The following NEB variants were observed in gnomAD, a reference collection of about 807,000 sequenced individuals.
NEB encodes nemaline myopathy type 2.
NEB carries 512 observed loss-of-function variants against 952.2 expected under a neutral mutation model. The observed-to-expected ratio is 0.54, with a 90% CI of 0.50 to 0.58. The LOEUF is 0.58. Among genes scored for constraint, NEB ranks in the 20% least tolerant of loss-of-function variants. The probability of loss-of-function intolerance (pLI) is 0.00; values close to 1 mark genes in which losing one functional copy is unlikely to be tolerated. For missense variants in NEB, 8,428 were observed against 9,231.1 expected, an observed-to-expected ratio of 0.91 and a Z score of 3.56; for synonymous variants, 2,900 against 3,149.8, an observed-to-expected ratio of 0.92 and a Z score of 2.66.
At chr2:151,563,171 C>T (rs1013523626) in intron 119 of NEB, among the ~76,000 whole-genome samples, 8 of 152,022 alleles carry the variant, frequency 5.3e-5, no homozygotes, top group East Asian at 1.9e-4. Flanking sequence ...TGCACCACCA[C>T]GCCCAGCTAA....
chr2:151,677,474 T>A (rs1055205657), intron 34 of NEB, 91 bp downstream of exon 34: 2 of 937,102 alleles, frequency 2.1e-6, no homozygotes, highest in East Asian at 5.6e-5. Flanking sequence ...TGGAAAGATA[T>A]TGGCCCAGAA....
chr2:151,657,390 T>C (rs917360953), intron 48 of NEB, among the ~76,000 whole-genome samples: 18 of 152,084 alleles, frequency 1.2e-4, no homozygotes, highest in African/African-American at 4.1e-4. Flanking sequence ...AAGAATTGAG[T>C]TTCATATAGG....
intron 60 of NEB, 122 bp from the exon 61 acceptor site, chr2:151,640,788 G>T: frequency 1.2e-6 from 1 of 868,806 alleles, no homozygotes. Context: ...TTATATGATA[G>T]ATGTAGAAAC....
At chr2:151,516,368 T>C in intron 157 of NEB, 91 bp downstream of exon 157, 2 of 797,984 alleles carry the variant, frequency 2.5e-6, no homozygotes, top group African/African-American at 1.7e-5. Context: ...CTACCACTTT[T>C]GGATGACAGG....
At chr2:151,675,500 A>G in intron 34 of NEB, 109 bp from the exon 35 acceptor site, 1 of 695,666 alleles carries the variant, frequency 1.4e-6, no homozygotes, top group East Asian at 2.9e-5. Flanking sequence ...GTTAAAAATC[A>G]TCAAAGGCAT....
Position 151,656,382 on chromosome 2 carries a change from T to G in NEB, c.6266A>C (p.His2089Pro). The change falls in exon 49 of 182, where the codon CAT (histidine) becomes CCT (proline). Residue 2089 changes from histidine to proline, a missense_variant. Coordinates refer to ENST00000397345, the MANE Select transcript of NEB (RefSeq NM_001164508.2). ...RSLEDDPKLVHSMQVAKMQSD... is the reference protein window; with the variant it reads ...RSLEDDPKLVPSMQVAKMQSD... Reference sequence around the variant, plus strand: ...TTGCATCTTAGCCACTTGCATGGAATGGACTAATTTGGGATCATCCTCGAG... The same window carrying G: ...TTGCATCTTAGCCACTTGCATGGAAGGGACTAATTTGGGATCATCCTCGAG... The G allele has an allele frequency of 1.9e-6, 3 of 1,613,688 alleles. No individual in the cohort carries two copies. Among genetic ancestry groups the G allele is most frequent in the Non-Finnish European group, 2.5e-6 (3 of 1,179,702 alleles).
chr2:151,520,541 A>G lies in NEB; in HGVS notation c.22480-773T>C, dbSNP rs149553309. The stretch of plus-strand genomic sequence containing the variant: ...TGTGATTTGATTGAATGGAAGGAAG[A>G]GACAGTCATTATGTCTAGGTAAAAT... On this transcript the variant is annotated intron_variant, in intron 153 of 181. Transcript: ENST00000397345. 3.9e-5 allele frequency among the ~76,000 whole-genome samples: 6 copies of G among 152,316 alleles called. No homozygotes were observed. The East Asian group carries it at 9.6e-4, about 24-fold the overall frequency.
intron 163 of NEB, among the ~76,000 whole-genome samples, chr2:151,506,623 A>T (rs2069147678): frequency 6.6e-6 from 1 of 152,242 alleles, no homozygotes; most frequent in African/African-American, 2.4e-5. Flanking sequence ...AGAAATCACA[A>T]TGTCAAAAAG....
intron 157 of NEB, among the ~76,000 whole-genome samples, chr2:151,516,157 T>A (rs1029856477): frequency 2.0e-5 from 3 of 152,178 alleles, no homozygotes; most frequent in Middle Eastern, 3.2e-3. Flanking sequence ...GAACTTTTCA[T>A]TCATAAAGGA....
Position 151,640,538 on chromosome 2 carries a change from C to T in NEB, c.8502G>A (p.Lys2834=), listed in dbSNP as rs2098833654. The T allele has an allele frequency of 1.9e-6, 3 of 1,613,898 alleles. No individual in the cohort carries two copies. Among genetic ancestry groups the T allele is most frequent in the African/African-American group, 1.3e-5 (1 of 75,016 alleles). The change falls in exon 61 of 182, where the codon AAG becomes AAA. Residue 2834 remains lysine, a synonymous_variant. Transcript: ENST00000397345. ...AKIQSDREYK[K]DFEKWKTKFS... ...ACTTGGTCTTCCACTTCTCAAAGTC[C>T]TTCTTGTACTCCCTGTCACTCTGGA...
At chr2:151,519,335 G>A (rs965106960) in intron 154 of NEB, among the ~76,000 whole-genome samples, 1 of 152,164 alleles carries the variant, frequency 6.6e-6, no homozygotes, top group East Asian at 1.9e-4. Context: ...AACATGGATG[G>A]ACCTTGAACA....
At chr2:151,686,174 T>C (rs1280442255) in intron 27 of NEB, among the ~76,000 whole-genome samples, 1 of 152,216 alleles carries the variant, frequency 6.6e-6, no homozygotes, top group African/African-American at 2.4e-5. Flanking sequence ...ACTGTTTTGT[T>C]CATGTTCACA....
intron 11 of NEB, 96 bp downstream of exon 11, chr2:151,710,338 T>C: frequency 1.4e-6 from 1 of 724,026 alleles, no homozygotes; most frequent in South Asian, 2.4e-5. Flanking sequence ...CCTCAAGTGT[T>C]CTGGCACCCA....
At chr2:151,634,653 A>G (rs1305969152) in intron 64 of NEB, among the ~76,000 whole-genome samples, 1 of 152,074 alleles carries the variant, frequency 6.6e-6, no homozygotes, top group Non-Finnish European at 1.5e-5. Context: ...AAAATAAAAT[A>G]AAATAAAATA....
At chr2:151,533,962 C>T (rs1268966376) in intron 142 of NEB, among the ~76,000 whole-genome samples, 1 of 152,180 alleles carries the variant, frequency 6.6e-6, no homozygotes, top group Non-Finnish European at 1.5e-5. Flanking sequence ...AACAGGTTCT[C>T]CAGAAGAGTA....
chr2:151,645,270 T>C (rs551014775), intron 55 of NEB, among the ~76,000 whole-genome samples: 1 of 152,346 alleles, frequency 6.6e-6, no homozygotes, highest in East Asian at 1.9e-4. Flanking sequence ...CTAATTCTTC[T>C]AATGGGGAAA....
rs886038452 is a variant in NEB, at chr2:151,675,388, A to G, written c.3778T>C (p.Leu1260=). 1.3e-6 allele frequency: 2 copies of G among 1,555,264 alleles called. No individual in the cohort carries two copies. The highest frequency in any genetic ancestry group is 1.8e-6 in the Non-Finnish European group (2 of 1,142,198). The change falls in exon 35 of 182, where the codon TTA becomes CTA. Residue 1260 remains leucine (L), a synonymous_variant. Coordinates refer to ENST00000397345, the MANE Select transcript of NEB (RefSeq NM_001164508.2). ...ACATCTTCTCCTTTAGCCTTGTATAAGATCTGCAATAAAATGCATTTCACA... is the reference window on the plus strand; with the variant it reads ...ACATCTTCTCCTTTAGCCTTGTATAGGATCTGCAATAAAATGCATTTCACA... The part of the protein sequence containing the change: ...KQNTKQVSDI[L]YKAKGEDVKH...
In NEB at chr2:151,703,930, G is replaced by A. The variant is rs932168787; in HGVS notation, c.1152+2951C>T. Among the ~76,000 whole-genome samples the A allele has an allele frequency of 1.4e-4, 19 of 133,116 alleles. No individual in the cohort carries two copies. The East Asian group carries it at 2.9e-3, about 20-fold the overall frequency. 87.3% of individuals were successfully genotyped at this position (133,116 alleles called of 152,430 possible). On this transcript the variant is annotated intron_variant, in intron 13 of 181. Coordinates refer to ENST00000397345, the MANE Select transcript of NEB (RefSeq NM_001164508.2). The stretch of plus-strand genomic sequence containing the variant: ...AACTGCGTTCCTTTGGAGGAGGAGA[G>A]GCGCTCTGCGTTTTAGAGTTTCCAG...
At chr2:151,689,943 C>A (rs2149067064) in intron 24 of NEB, 1 of 152,326 alleles carries the variant, frequency 6.6e-6, no homozygotes, top group Non-Finnish European at 1.5e-5. Context: ...GTAGGACAAA[C>A]TGTATCTTTC....
Sources: gnomAD v4.1 joint callset for allele counts (sites outside exome capture counted in the v4.1 genomes callset) on GRCh38, gnomAD v4.1.1 for gene constraint, MANE v1.5 for transcripts, NCBI Gene and HGNC (gene_info 2026-07-23, HGNC 2026-07-21) for gene names.